TTLL1: variants seen among roughly 807,000 people sequenced by gnomAD.
TTLL1 encodes polyglutamylase complex subunit TTLL1.
In TTLL1, 33 loss-of-function variants were observed where a neutral mutation model predicts 47.8. The observed-to-expected ratio is 0.69, with a 90% CI of 0.52 to 0.92. TTLL1 has a LOEUF of 0.92. Ranked by LOEUF, TTLL1 falls within the 40% of genes least tolerant of loss-of-function variation. The pLI is 0.00. For missense variants in TTLL1, 488 were observed against 547.5 expected (o/e 0.89, Z 1.08); for synonymous variants, 225 against 214.1 (o/e 1.05, Z -0.45).
In TTLL1 at chr22:43,039,751, A is replaced by G; in HGVS notation, c.*25T>C. ...CAGCAGGGGCCCAGGTGGAGTGAGTAGTTTTGATAAGGTCCAGGTGGGACT... is the reference window on the plus strand; with the variant it reads ...CAGCAGGGGCCCAGGTGGAGTGAGTGGTTTTGATAAGGTCCAGGTGGGACT... On this transcript the variant is annotated 3_prime_UTR_variant, in exon 11 of 11. Coordinates refer to ENST00000266254, the MANE Select transcript of TTLL1 (RefSeq NM_012263.5). The G allele has an allele frequency of 6.4e-7, 1 of 1,566,626 alleles. No homozygotes were observed. The highest frequency in any genetic ancestry group is 8.7e-7 in the Non-Finnish European group (1 of 1,152,520).
chr22:43,057,970 A>G (rs1291365835), intron 8 of TTLL1, among the ~76,000 whole-genome samples: 2 of 150,890 alleles, frequency 1.3e-5, no homozygotes, highest in African/African-American at 4.9e-5. Context: ...TTTTCTAGAC[A>G]GTCTCACTCT....
At chr22:43,044,965 C>T (rs1164370588) in intron 10 of TTLL1, among the ~76,000 whole-genome samples, 4 of 151,762 alleles carry the variant, frequency 2.6e-5, no homozygotes, top group East Asian at 3.9e-4. Context: ...CGGGTTCAAG[C>T]GATTCTCCTG....
At chr22:43,056,923 G>A (rs1266714847) in intron 8 of TTLL1, among the ~76,000 whole-genome samples, 1 of 152,144 alleles carries the variant, frequency 6.6e-6, no homozygotes. Context: ...CTTCTGACTA[G>A]CTGGGATCAC....
intron 10 of TTLL1, among the ~76,000 whole-genome samples, chr22:43,044,871 T>C (rs1211451738): frequency 6.6e-6 from 1 of 151,882 alleles, no homozygotes; most frequent in Non-Finnish European, 1.5e-5. Context: ...AATCCTTTTT[T>C]TTTTTTTTGG....
intron 10 of TTLL1, among the ~76,000 whole-genome samples, chr22:43,040,701 T>C (rs934687307): frequency 6.6e-6 from 1 of 152,198 alleles, no homozygotes; most frequent in Non-Finnish European, 1.5e-5. Context: ...CCATTCGGCC[T>C]CCCAAAGTGC....
At chr22:43,070,677 C>T (rs1462897077) in intron 3 of TTLL1, among the ~76,000 whole-genome samples, 3 of 152,064 alleles carry the variant, frequency 2.0e-5, no homozygotes, top group Non-Finnish European at 2.9e-5. Flanking sequence ...AGAGAGAAAG[C>T]GTTAAGGGAC....
At chr22:43,051,957 G>A in intron 8 of TTLL1, 70 bp from the exon 9 acceptor site, 1 of 1,465,284 alleles carries the variant, frequency 6.8e-7, no homozygotes, top group Non-Finnish European at 9.5e-7. Flanking sequence ...ACGCCACAGA[G>A]ACAAGCAGGA....
Position 43,057,139 on chromosome 22 carries a change from G to A in TTLL1, c.891+2245C>T, listed in dbSNP as rs139096144. On this transcript the variant is annotated intron_variant, in intron 8 of 10. Coordinates refer to ENST00000266254, the MANE Select transcript of TTLL1 (RefSeq NM_012263.5). ...ACAAAAATTAGTTGGACATTGTGGC[G>A]CAAGCCTGTAATCCCAGCTACTTGG... Among the ~76,000 whole-genome samples the A allele has an allele frequency of 8.5e-4, 129 of 152,102 alleles. 1 individual carries two copies. Among genetic ancestry groups the A allele is most frequent in the African/African-American group, 2.9e-3 (121 of 41,528 alleles).
intron 8 of TTLL1, among the ~76,000 whole-genome samples, chr22:43,057,247 C>T (rs556365941): frequency 7.6e-5 from 11 of 144,146 alleles, no homozygotes; most frequent in East Asian, 2.0e-4. Context: ...CCAGCCTGGT[C>T]GACAGAATGA....
intron 1 of TTLL1, among the ~76,000 whole-genome samples, chr22:43,087,741 G>A (rs372817251): frequency 6.6e-6 from 1 of 150,810 alleles, no homozygotes; most frequent in East Asian, 2.0e-4. Flanking sequence ...GGGAGGCTGA[G>A]GTGGGAGGAT....
At chr22:43,049,001 G>A (rs1926379192) in intron 9 of TTLL1, among the ~76,000 whole-genome samples, 1 of 152,054 alleles carries the variant, frequency 6.6e-6, no homozygotes, top group South Asian at 2.1e-4. Flanking sequence ...TGAAGAAGAA[G>A]GCGAGAGTTT....
chr22:43,042,551 C>T (rs1244841998), intron 10 of TTLL1, among the ~76,000 whole-genome samples: 1 of 152,344 alleles, frequency 6.6e-6, no homozygotes, highest in East Asian at 1.9e-4. Context: ...CCTTGTAGGG[C>T]CACAGCCAAT....
intron 3 of TTLL1, among the ~76,000 whole-genome samples, chr22:43,074,443 AAAAG>A (rs1044472358): frequency 1.4e-4 from 21 of 150,780 alleles, no homozygotes; most frequent in African/African-American, 3.7e-4. Flanking sequence ...AAAAAAAAAA[AAAAG>A]AAAGAAAGAA....
chr22:43,082,671 G>GT (rs1005411329), intron 1 of TTLL1, among the ~76,000 whole-genome samples: 1 of 150,524 alleles, frequency 6.6e-6, no homozygotes, highest in Non-Finnish European at 1.5e-5. Context: ...GGCCAAGATT[G>GT]TACCACTGCA....
At position 43,064,376 on chromosome 22, in the gene TTLL1, A is replaced by G. The variant is rs766611363; in HGVS notation, c.504-52T>C. 3 of 1,573,272 alleles carry G rather than the reference A, an allele frequency of 1.9e-6. No homozygotes were observed. The South Asian group carries it at 3.5e-5, about 18-fold the overall frequency. On this transcript the variant is annotated intron_variant, in intron 5 of 10. Coordinates refer to ENST00000266254, the MANE Select transcript of TTLL1 (RefSeq NM_012263.5). ...TAGATGGTAAAAGATGCAATAACGAAGACACAATCCAAGAAAGGAATAACT... is the reference window on the plus strand; with the variant it reads ...TAGATGGTAAAAGATGCAATAACGAGGACACAATCCAAGAAAGGAATAACT...
chr22:43,042,394 G>A (rs1028277883), intron 10 of TTLL1, among the ~76,000 whole-genome samples: 4 of 152,230 alleles, frequency 2.6e-5, no homozygotes, highest in Admixed American at 6.5e-5. Context: ...AGCCAAGATG[G>A]CTCTTCGAAG....
At position 43,061,146 on chromosome 22, in the gene TTLL1, T is replaced by C. The variant is rs139507776; in HGVS notation, c.748-1619A>G. Among the ~76,000 whole-genome samples the C allele has an allele frequency of 4.5e-3, 689 of 152,278 alleles. 4 individuals carry two copies. The highest frequency in any genetic ancestry group is 0.016 in the African/African-American group (660 of 41,542). ...CAGAGGTTGCAGTGAGCCGAGATCC[T>C]GCCACTGTACTCCAGCGTGGGTGAC... On this transcript the variant is annotated intron_variant, in intron 7 of 10. Coordinates refer to ENST00000266254, the MANE Select transcript of TTLL1 (RefSeq NM_012263.5).
intron 8 of TTLL1, 36 bp from the exon 9 acceptor site, chr22:43,051,923 C>A (rs752455794): frequency 3.7e-6 from 6 of 1,602,840 alleles, no homozygotes; most frequent in Non-Finnish European, 5.1e-6. Flanking sequence ...ACATGGCCAG[C>A]ATCGAAGGGC....
Position 43,039,877 on chromosome 22 carries a change from C to G in TTLL1, c.1171G>C (p.Gly391Arg). Residue 391 changes from glycine to arginine, a missense_variant, in exon 11 of 11, where the codon GGG (glycine) becomes CGG (arginine). By Grantham distance (125) the Gly-to-Arg change is moderately radical (BLOSUM62 -2). Coordinates refer to ENST00000266254, the MANE Select transcript of TTLL1 (RefSeq NM_012263.5). ...CGGCTTCTCAGCTCCCGGTCAGCCC[C>G]GTCACCCTGGGCCAATTCTTCATCA... ...LYDEELAQGD[G>R]ADRELRSRQG... is the part of the protein sequence containing the mutation. 6.2e-7 allele frequency: 1 copy of G among 1,613,852 alleles called. No homozygotes were observed. Among genetic ancestry groups the G allele is most frequent in the Middle Eastern group, 1.7e-4 (1 of 6,060 alleles).
Sources: allele counts gnomAD v4.1 joint callset (sites outside exome capture counted in the v4.1 genomes callset), GRCh38; gene constraint gnomAD v4.1.1; transcripts MANE v1.5; gene names NCBI Gene and HGNC (gene_info 2026-07-23, HGNC 2026-07-21).